LRMDA: variants seen among roughly 807,000 people sequenced by gnomAD.
LRMDA encodes the protein leucine rich melanocyte differentiation associated, also known as leucine-rich melanocyte differentiation-associated protein.
A neutral mutation model predicts 29.8 loss-of-function variants in LRMDA; 18 were observed. The ratio of observed to expected loss-of-function variants is 0.60; its 90% CI spans 0.42 to 0.90. The LOEUF (loss-of-function observed/expected upper bound fraction) is 0.90, where lower values mean the gene tolerates loss of function less well. LRMDA is among the 40% of genes least tolerant of loss of function. LRMDA has a pLI of 0.00. For missense variants in LRMDA, 273 were observed against 273.9 expected (o/e 1.00, Z 0.02); for synonymous variants, 125 against 109.4 (o/e 1.14, Z -0.89).
chr10:75,544,845 G>A (rs748566230), intron 2 of LRMDA, among the ~76,000 whole-genome samples: 1 of 152,110 alleles, frequency 6.6e-6, no homozygotes, highest in Non-Finnish European at 1.5e-5. Flanking sequence ...CCTTTTGATC[G>A]TAGTGTTATT....
intron 2 of LRMDA, among the ~76,000 whole-genome samples, chr10:75,703,768 C>CTT (rs1261321052): frequency 1.3e-5 from 2 of 152,170 alleles, no homozygotes; most frequent in Non-Finnish European, 2.9e-5. Context: ...CTTTGTAACA[C>CTT]TTTAGTCATC....
At chr10:75,549,423 CAGACCACTGTATT>C (rs987807442) in intron 2 of LRMDA, among the ~76,000 whole-genome samples, 2 of 152,034 alleles carry the variant, frequency 1.3e-5, no homozygotes, top group African/African-American at 4.8e-5. Flanking sequence ...CCCATACCAA[CAGACCACTGTATT>C]TAAATTTGTT....
intron 6 of LRMDA, among the ~76,000 whole-genome samples, chr10:76,505,023 G>T (rs548289960): frequency 6.6e-6 from 1 of 151,864 alleles, no homozygotes; most frequent in Non-Finnish European, 1.5e-5. Flanking sequence ...GTATTTGCTT[G>T]TCTGAGAAGG....
intron 6 of LRMDA, among the ~76,000 whole-genome samples, chr10:76,524,939 A>G (rs1408742545): frequency 2.0e-5 from 3 of 152,208 alleles, no homozygotes; most frequent in Non-Finnish European, 4.4e-5. Context: ...AGAAAATAAC[A>G]CACACTTTAT....
chr10:75,735,899 T>G (rs779173200), intron 2 of LRMDA, among the ~76,000 whole-genome samples: 4 of 152,184 alleles, frequency 2.6e-5, no homozygotes, highest in Non-Finnish European at 5.9e-5. Flanking sequence ...ACTTATAAAT[T>G]TTTTTTACAT....
chr10:75,822,505 G>T (rs1203866573), intron 2 of LRMDA, among the ~76,000 whole-genome samples: 1 of 151,768 alleles, frequency 6.6e-6, no homozygotes, highest in Admixed American at 6.6e-5. Flanking sequence ...AATAGCCAAA[G>T]CAACTCTAAG....
chr10:75,845,534 A>T (rs949972432), intron 2 of LRMDA, among the ~76,000 whole-genome samples: 65 of 152,118 alleles, frequency 4.3e-4, no homozygotes, highest in Admixed American at 4.3e-3. Flanking sequence ...CTTCAGGTGG[A>T]CACTTAGTCA....
intron 2 of LRMDA, among the ~76,000 whole-genome samples, chr10:75,896,926 T>A (rs1021888657): frequency 6.6e-6 from 1 of 152,148 alleles, no homozygotes; most frequent in Admixed American, 6.5e-5. Flanking sequence ...CTTTGTTTCA[T>A]TTTTTTGGTT....
chr10:76,521,258 A>C (rs932640124), intron 6 of LRMDA, among the ~76,000 whole-genome samples: 1 of 150,798 alleles, frequency 6.6e-6, no homozygotes, highest in East Asian at 2.0e-4. Flanking sequence ...CTCAGCCTCC[A>C]GAGTAGCTGG....
rs893024721 is a variant in LRMDA, at chr10:76,445,430, T to G, written c.602-111779T>G. 4.6e-5 allele frequency among the ~76,000 whole-genome samples: 7 copies of G among 152,260 alleles called. No homozygotes were observed. The East Asian group carries it at 1.4e-3, about 29-fold the overall frequency. The stretch of plus-strand genomic sequence containing the variant: ...TCAGGGCTCTGACTCCCCTCAGAGG[T>G]CTGTTTGCTTCTGACCCTGCAGATG... On this transcript the variant is annotated intron_variant, in intron 6 of 6. Transcript: ENST00000611255.
chr10:75,929,459 A>G (rs576386316), intron 2 of LRMDA, among the ~76,000 whole-genome samples: 12 of 152,324 alleles, frequency 7.9e-5, no homozygotes, highest in Admixed American at 2.0e-4. Flanking sequence ...TGGTGGGTTA[A>G]CCTTCATTTT....
At chr10:75,444,349 A>C (rs1467954361) in intron 2 of LRMDA, among the ~76,000 whole-genome samples, 1 of 152,184 alleles carries the variant, frequency 6.6e-6, no homozygotes, top group Non-Finnish European at 1.5e-5. Context: ...TCACGTTAGA[A>C]ATTGGAAATG....
intron 2 of LRMDA, among the ~76,000 whole-genome samples, chr10:75,621,199 TACACACAC>T (rs753933285): frequency 7.3e-6 from 1 of 136,636 alleles, no homozygotes; most frequent in African/African-American, 2.6e-5. Context: ...AGTATTCCAT[TACACACAC>T]ACACACACAC....
At chr10:75,692,358 C>A (rs1047199169) in intron 2 of LRMDA, among the ~76,000 whole-genome samples, 11 of 146,162 alleles carry the variant, frequency 7.5e-5, no homozygotes, top group Non-Finnish European at 1.5e-4. Context: ...TGGAATAGGC[C>A]AGGTTCTATC....
At chr10:75,622,840 G>C (rs1429695699) in intron 2 of LRMDA, among the ~76,000 whole-genome samples, 1 of 152,146 alleles carries the variant, frequency 6.6e-6, no homozygotes, top group East Asian at 1.9e-4. Context: ...TTGATTTAGT[G>C]AACTGCTATT....
intron 2 of LRMDA, among the ~76,000 whole-genome samples, chr10:75,784,481 C>T (rs186505274): frequency 3.9e-5 from 6 of 151,986 alleles, no homozygotes; most frequent in Non-Finnish European, 7.4e-5. Context: ...GGGAGGATCA[C>T]GAGGTCAGGA....
chr10:75,502,116 G>A (rs1257529098), intron 2 of LRMDA, among the ~76,000 whole-genome samples: 1 of 152,174 alleles, frequency 6.6e-6, no homozygotes, highest in East Asian at 1.9e-4. Context: ...TCTGGTGAGT[G>A]GGGAAAGAGA....
chr10:75,527,036 C>A lies in LRMDA; in HGVS notation c.131+88542C>A, dbSNP rs1328469674. 3.3e-5 allele frequency among the ~76,000 whole-genome samples: 5 copies of A among 152,252 alleles called. No homozygotes were observed. In the East Asian group the frequency reaches 9.6e-4, roughly 29 times the overall value. ...TGCATTAAGCATCACTCCCCATTCT[C>A]CCCTCCCTCTAACTCCTGGCAACCA... On this transcript the variant is annotated intron_variant, in intron 2 of 6. Transcript: ENST00000611255.
intron 2 of LRMDA, among the ~76,000 whole-genome samples, chr10:75,590,350 A>G (rs925276514): frequency 2.0e-5 from 3 of 152,126 alleles, no homozygotes; most frequent in African/African-American, 7.2e-5. Flanking sequence ...TGAATTCATT[A>G]TCTTTTATCT....
Sources: allele counts gnomAD v4.1 joint callset (sites outside exome capture counted in the v4.1 genomes callset), GRCh38; gene constraint gnomAD v4.1.1; transcripts MANE v1.5; gene names NCBI Gene and HGNC (gene_info 2026-07-23, HGNC 2026-07-21).